Variants in PCLO observed in about 807,000 individuals in gnomAD.
PCLO encodes protein piccolo.
PCLO carries 82 observed loss-of-function variants against 427.5 expected under a neutral mutation model. The observed-to-expected ratio is 0.19, with a 90% confidence interval of 0.16 to 0.23. The LOEUF is 0.23. Among genes scored for constraint, PCLO ranks in the 10% least tolerant of loss-of-function variants. The probability of loss-of-function intolerance (pLI) is 1.00; values close to 1 mark genes in which losing one functional copy is unlikely to be tolerated. For missense variants in PCLO, 6,239 were observed against 6,115.9 expected (o/e 1.02, Z -0.67); for synonymous variants, 2,357 against 2,155.4 (o/e 1.09, Z -2.59).
At chr7:82,909,136 A>T in intron 7 of PCLO, 123 bp from the exon 8 acceptor site, 1 of 851,168 alleles carries the variant, frequency 1.2e-6, no homozygotes, top group Non-Finnish European at 1.8e-6. Context: ...TTTCAAACAC[A>T]TCTCCCCTTG....
intron 24 of PCLO, among the ~76,000 whole-genome samples, 162 bp downstream of exon 24, chr7:82,760,477 T>A (rs1436724530): frequency 6.6e-6 from 1 of 152,100 alleles, no homozygotes; most frequent in East Asian, 1.9e-4. Flanking sequence ...GTGAGTGGGC[T>A]GTGGAATTCT....
At chr7:83,043,920 T>TTTTTTTTTTTTTTTTTG (rs1789038167) in intron 3 of PCLO, among the ~76,000 whole-genome samples, 1 of 105,170 alleles carries the variant, frequency 9.5e-6, no homozygotes, top group African/African-American at 3.8e-5. Context: ...TTCTTTTTTT[T>TTTTTTTTTTTTTTTTTG]TTTTTTTTTT....
rs199609017 is a variant in PCLO, at chr7:83,030,119, G to GAAAA, written c.3301-63636_3301-63633dup. 2.3e-3 allele frequency among the ~76,000 whole-genome samples: 243 copies of GAAAA among 104,106 alleles called. 2 individuals are homozygous for GAAAA. The highest frequency in any genetic ancestry group is 3.9e-3 in the Non-Finnish European group (186 of 48,254). 68.3% of individuals were successfully genotyped at this position (104,106 alleles called of 152,430 possible). A position where few individuals can be genotyped will look rare whatever the true frequency, so the allele number is the denominator to read the frequency against. ...TAAAACTTAAAGTATAATAATAAAAGAAAAAAAAAAAAAAAGAAAAGAAAA... is the reference window on the plus strand; with the variant it reads ...TAAAACTTAAAGTATAATAATAAAAGAAAAAAAAAAAAAAAAAAAGAAAAGAAAA... On this transcript the variant is annotated intron_variant, in intron 3 of 24. Coordinates refer to ENST00000333891, the MANE Select transcript of PCLO (RefSeq NM_033026.6).
In PCLO at chr7:83,156,098, G is replaced by A; in HGVS notation, c.543C>T (p.Asp181=). Residue 181 remains aspartate (D), a synonymous_variant, in exon 2 of 25, where the codon GAC becomes GAT. Transcript: ENST00000333891. The part of the protein sequence containing the change: ...NKFNPFDLIS[D]SEASQEETTK... The stretch of plus-strand genomic sequence containing the variant: ...TGGTTTCTTCCTGGGATGCCTCAGA[G>A]TCTGATATCAAATCAAAAGGGTTGA... 1 of 1,613,732 alleles carries A rather than the reference G, an allele frequency of 6.2e-7. No individual in the cohort carries two copies. Among genetic ancestry groups the A allele is most frequent in the South Asian group, 1.1e-5 (1 of 91,048 alleles).
At chr7:83,055,772 G>A (rs910061880) in intron 3 of PCLO, among the ~76,000 whole-genome samples, 1 of 152,058 alleles carries the variant, frequency 6.6e-6, no homozygotes, top group Non-Finnish European at 1.5e-5. Flanking sequence ...ACACAGTAAG[G>A]AAAAGCTATT....
rs1790300300 is a variant in PCLO, at chr7:82,755,532, C to A, written c.*3043G>T. ...TAGGACCAAATTTGAAACCAAGAAG[C>A]AACATCAGTCTCTGATGACTCAATG... On this transcript the variant is annotated 3_prime_UTR_variant, in exon 25 of 25. Transcript: ENST00000333891. 2 of 152,016 alleles carry A rather than the reference C, an allele frequency of 1.3e-5. No individual in the cohort carries two copies. The highest frequency in any genetic ancestry group is 6.6e-5 in the Admixed American group (1 of 15,240). The allele number at this position is 152,016 out of a possible 1,614,324, so 9.4% of individuals were successfully genotyped here.
chr7:82,866,340 T>A (rs1793092067), intron 10 of PCLO, among the ~76,000 whole-genome samples: 1 of 151,984 alleles, frequency 6.6e-6, no homozygotes, highest in Admixed American at 6.6e-5. Flanking sequence ...ACTTAATATA[T>A]TATATGAGAT....
chr7:82,882,392 G>T (rs1359061058), intron 9 of PCLO, among the ~76,000 whole-genome samples: 1 of 152,008 alleles, frequency 6.6e-6, no homozygotes, highest in Non-Finnish European at 1.5e-5. Context: ...TCAAGATAAG[G>T]TCATCTCTCT....
At chr7:83,116,580 T>C (rs892411725) in intron 3 of PCLO, among the ~76,000 whole-genome samples, 1 of 152,202 alleles carries the variant, frequency 6.6e-6, no homozygotes, top group Non-Finnish European at 1.5e-5. Context: ...AATTGTGAAA[T>C]GACTACATCT....
rs764376337 is a variant in PCLO, at chr7:82,953,549, C to A, written c.7404G>T (p.Leu2468=). The change falls in exon 5 of 25, where the codon CTG becomes CTT. Residue 2468 remains leucine, a synonymous_variant. Transcript: ENST00000333891. The stretch of plus-strand genomic sequence containing the variant: ...TTGTAACAGGTAATCCATTACTTCT[C>A]AGAACAGCTGTGGTCTCTAGAGTAG... The part of the protein sequence containing the change: ...AVTTLETTAV[L]RSNGLPVTRI... The A allele has an allele frequency of 6.2e-7, 1 of 1,613,092 alleles. No homozygotes were observed. The highest frequency in any genetic ancestry group is 8.5e-7 in the Non-Finnish European group (1 of 1,179,578).
intron 3 of PCLO, among the ~76,000 whole-genome samples, chr7:83,104,985 C>T (rs1790819995): frequency 6.6e-6 from 1 of 152,042 alleles, no homozygotes; most frequent in African/African-American, 2.4e-5. Flanking sequence ...TTTTCAGTAG[C>T]AAGATCCTAA....
chr7:82,814,710 T>A (rs1056508652), intron 20 of PCLO, among the ~76,000 whole-genome samples: 6 of 151,880 alleles, frequency 4.0e-5, no homozygotes. Flanking sequence ...AATGATAACA[T>A]GACACCTTAT....
intron 10 of PCLO, among the ~76,000 whole-genome samples, chr7:82,850,100 C>T (rs1280767660): frequency 6.6e-6 from 1 of 152,102 alleles, no homozygotes; most frequent in Non-Finnish European, 1.5e-5. Context: ...CCTCTGCCAA[C>T]CGGGTTCAAG....
chr7:83,083,530 T>A (rs1790156836), intron 3 of PCLO, among the ~76,000 whole-genome samples: 1 of 152,050 alleles, frequency 6.6e-6, no homozygotes, highest in African/African-American at 2.4e-5. Context: ...CTAGACAATC[T>A]GTTTTCCCTC....
At chr7:82,792,744 AT>A (rs1223384361) in intron 22 of PCLO, among the ~76,000 whole-genome samples, 3 of 151,988 alleles carry the variant, frequency 2.0e-5, no homozygotes, top group Non-Finnish European at 4.4e-5. Context: ...ACTGCCAATT[AT>A]TTTTTTTAAA....
rs1402801778 is a variant in PCLO, at chr7:83,162,390, T to G, written c.203A>C (p.Lys68Thr). 6.3e-7 allele frequency: 1 copy of G among 1,599,822 alleles called. No homozygotes were observed. Among genetic ancestry groups the G allele is most frequent in the South Asian group, 1.1e-5 (1 of 88,592 alleles). Residue 68 changes from lysine to threonine, a missense_variant, in exon 1 of 25, where the codon AAG (lysine) becomes ACG (threonine). Lys to Thr is a moderately conservative substitution (Grantham distance 78, BLOSUM62 -1). Coordinates refer to ENST00000333891, the MANE Select transcript of PCLO (RefSeq NM_033026.6). ...CGCAGCGGCCGGGGGGACGCTTCCC[T>G]TGGGCAGCCCCTGCGCCCTTGACAT... ...AVMSRAQGLP[K>T]GSVPPAAAES...
At chr7:83,083,702 C>A (rs953453326) in intron 3 of PCLO, among the ~76,000 whole-genome samples, 3 of 151,928 alleles carry the variant, frequency 2.0e-5, no homozygotes, top group Admixed American at 6.6e-5. Flanking sequence ...AAAAGTATAT[C>A]CCTAAGTCTA....
chr7:83,161,783 G>A (rs1792443456), intron 1 of PCLO, among the ~76,000 whole-genome samples: 1 of 152,090 alleles, frequency 6.6e-6, no homozygotes, highest in African/African-American at 2.4e-5. Flanking sequence ...CATATTTTAG[G>A]GTTCCTCAAT....
At chr7:82,896,939 C>T (rs998366014) in intron 9 of PCLO, among the ~76,000 whole-genome samples, 15 of 151,584 alleles carry the variant, frequency 9.9e-5, no homozygotes, top group African/African-American at 3.4e-4. Context: ...ATAGCAAATG[C>T]CTTTTTCAAA....
Sources: allele counts gnomAD v4.1 joint callset (sites outside exome capture counted in the v4.1 genomes callset), GRCh38; gene constraint gnomAD v4.1.1; transcripts MANE v1.5; gene names NCBI Gene and HGNC (gene_info 2026-07-23, HGNC 2026-07-21).